The following SNX29 variants were observed in gnomAD, a reference collection of about 807,000 sequenced individuals.
SNX29 encodes the protein sorting nexin 29, also known as sorting nexin-29.
Under a neutral mutation model 102.1 loss-of-function variants are expected in SNX29, and 78 were observed. That is an observed-to-expected ratio of 0.76 (90% CI 0.64 to 0.92). SNX29 has a LOEUF of 0.92. SNX29 is among the 40% of genes least tolerant of loss of function. SNX29 has a pLI of 0.00. For synonymous variants in SNX29, 580 were observed against 414.5 expected, an observed-to-expected ratio of 1.40 and a Z score of -4.85; for missense variants, 1,280 against 1,061.7, an observed-to-expected ratio of 1.21 and a Z score of -2.86.
intron 14 of SNX29, among the ~76,000 whole-genome samples, chr16:12,268,433 T>C (rs1313558689): frequency 2.0e-5 from 3 of 152,226 alleles, no homozygotes; most frequent in Non-Finnish European, 4.4e-5. Context: ...ATCGCAGAGC[T>C]CCGGGGTCTT....
chr16:12,027,341 G>T lies in SNX29; in HGVS notation c.144G>T (p.Gln48His). Residue 48 changes from glutamine to histidine, a missense_variant, in exon 4 of 21, where the codon CAG (glutamine) becomes CAT (histidine). Coordinates refer to ENST00000566228, the MANE Select transcript of SNX29 (RefSeq NM_032167.5). The stretch of plus-strand genomic sequence containing the variant: ...ACAGGGTCACCTGTCTGTGTGCCCA[G>T]TTTGAAGCCGTCCTGCAGCATGGCT... ...SDSRVTCLCA[Q>H]FEAVLQHGLK... The T allele has an allele frequency of 6.2e-7, 1 of 1,614,026 alleles. No homozygotes were observed. The highest frequency in any genetic ancestry group is 2.2e-5 in the East Asian group (1 of 44,884).
intron 5 of SNX29, among the ~76,000 whole-genome samples, chr16:12,044,771 G>A (rs1354234518): frequency 6.6e-6 from 1 of 152,048 alleles, no homozygotes; most frequent in Non-Finnish European, 1.5e-5. Flanking sequence ...GTAGAGACGG[G>A]GCTTCACTGT....
chr16:12,465,836 GTGT>G (rs2087024889), intron 18 of SNX29, among the ~76,000 whole-genome samples: 1 of 133,886 alleles, frequency 7.5e-6, no homozygotes, highest in South Asian at 2.3e-4. Flanking sequence ...CCATTTGTTT[GTGT>G]TTTTTTTTTT....
At chr16:12,329,980 C>G (rs908599626) in intron 15 of SNX29, among the ~76,000 whole-genome samples, 1 of 152,160 alleles carries the variant, frequency 6.6e-6, no homozygotes, top group Non-Finnish European at 1.5e-5. Context: ...TGGGCTGTTG[C>G]GTCTGAGACA....
rs554008872 is a variant in SNX29, at chr16:12,189,136, CCT to C, written c.1596-10464_1596-10463del. On this transcript the variant is annotated intron_variant, in intron 13 of 20. Coordinates refer to ENST00000566228, the MANE Select transcript of SNX29 (RefSeq NM_032167.5). ...GCTTTTTACTTTTTAATTTTTCACC[CCT>C]GAGTCTGTTAATGTGTTTCCTACAA... is the stretch of plus-strand genomic sequence containing the variant. 1.8e-4 allele frequency among the ~76,000 whole-genome samples: 27 copies of C among 152,262 alleles called. No homozygotes were observed. The South Asian group carries it at 2.3e-3, about 13-fold the overall frequency.
At chr16:12,470,579 C>G (rs1307888118) in intron 18 of SNX29, among the ~76,000 whole-genome samples, 2 of 152,112 alleles carry the variant, frequency 1.3e-5, no homozygotes, top group Non-Finnish European at 2.9e-5. Context: ...TTTGTTTTAG[C>G]ACTCAGAAAC....
At chr16:12,380,194 C>G (rs1163943244) in intron 16 of SNX29, among the ~76,000 whole-genome samples, 2 of 135,142 alleles carry the variant, frequency 1.5e-5, no homozygotes, top group African/African-American at 3.8e-5. Flanking sequence ...GGTCTCGGTT[C>G]CAGGGGTTCA....
At chr16:12,262,618 C>T (rs1228992484) in intron 14 of SNX29, among the ~76,000 whole-genome samples, 1 of 152,182 alleles carries the variant, frequency 6.6e-6, no homozygotes, top group African/African-American at 2.4e-5. Flanking sequence ...AGCAACACGG[C>T]AAGCTGTGCC....
In SNX29 at chr16:12,441,089, C is replaced by CT. The variant is rs34125065; in HGVS notation, c.2038-36610dup. On this transcript the variant is annotated intron_variant, in intron 18 of 20. Transcript: ENST00000566228. ...TGTAGCATGCATCGCTACTTCATTC[C>CT]TTTTTTTTTTTTTTTTTTTTGTGAT... Among the ~76,000 whole-genome samples, 308 of 102,678 alleles carry CT rather than the reference C, an allele frequency of 3.0e-3. 1 individual carries two copies. Among genetic ancestry groups the CT allele is most frequent in the Non-Finnish European group, 4.4e-3 (237 of 54,020 alleles). 67.4% of individuals were successfully genotyped at this position (102,678 alleles called of 152,430 possible).
chr16:12,025,331 G>T (rs1376635599), intron 3 of SNX29, among the ~76,000 whole-genome samples: 1 of 144,594 alleles, frequency 6.9e-6, no homozygotes, highest in Non-Finnish European at 1.5e-5. Flanking sequence ...AAAAGTGCCT[G>T]TGTGTACAGA....
Position 12,048,370 on chromosome 16 carries a change from AG to A in SNX29, c.500del. 1 of 1,613,756 alleles carries A rather than the reference AG, an allele frequency of 6.2e-7. No individual in the cohort carries two copies. Among genetic ancestry groups the A allele is most frequent in the Non-Finnish European group, 8.5e-7 (1 of 1,179,784 alleles). The stretch of plus-strand genomic sequence containing the variant: ...TCCAGACTTTTCCCTTTTTTTGGGC[AG>A]GTCTGAACTCCATACTCTTTGCGAT... On this transcript the variant is annotated splice_acceptor_variant, in intron 6 of 20. Coordinates refer to ENST00000566228, the MANE Select transcript of SNX29 (RefSeq NM_032167.5). LOFTEE classifies it high-confidence loss of function.
chr16:12,298,996 TAAA>T (rs371181294), intron 15 of SNX29, among the ~76,000 whole-genome samples: 2 of 139,908 alleles, frequency 1.4e-5, no homozygotes, highest in Non-Finnish European at 1.6e-5. Context: ...AATGAGTCTT[TAAA>T]AAAAAAAAAA....
In SNX29 at chr16:12,096,595, G is replaced by C. The variant is rs2052777060; in HGVS notation, c.1402+17680G>C. Reference sequence around the variant, plus strand: ...CCTGCCCACAGAGCATTCTAGTGGAGTTTTATGGTAATAAAGAAATGATGA... The same window carrying C: ...CCTGCCCACAGAGCATTCTAGTGGACTTTTATGGTAATAAAGAAATGATGA... On this transcript the variant is annotated intron_variant, in intron 11 of 20. Transcript: ENST00000566228. This position sits in a 1 kb window ranked among gnomAD's most constrained non-coding sequence, Gnocchi z 4.2. Among the ~76,000 whole-genome samples the C allele has an allele frequency of 6.6e-6, 1 of 152,214 alleles. No individual in the cohort carries two copies. Among genetic ancestry groups the C allele is most frequent in the Non-Finnish European group, 1.5e-5 (1 of 68,044 alleles).
intron 15 of SNX29, among the ~76,000 whole-genome samples, chr16:12,279,668 G>A (rs575501432): frequency 3.3e-5 from 5 of 152,286 alleles, no homozygotes; most frequent in South Asian, 2.1e-4. Context: ...GTCAGGATTC[G>A]AACCCCTGAA....
intron 13 of SNX29, among the ~76,000 whole-genome samples, chr16:12,172,413 C>T (rs1269008793): frequency 6.6e-6 from 1 of 152,076 alleles, no homozygotes; most frequent in African/African-American, 2.4e-5. Context: ...TCCCCCAGGG[C>T]CAGGAAGAGA....
chr16:12,385,035 C>T (rs535645432), intron 16 of SNX29, among the ~76,000 whole-genome samples: 17 of 152,150 alleles, frequency 1.1e-4, no homozygotes, highest in Admixed American at 7.2e-4. Context: ...CTGGGCATGG[C>T]GGCGCACGCC....
At chr16:12,075,062 T>A (rs1298375921) in intron 10 of SNX29, among the ~76,000 whole-genome samples, 1 of 152,192 alleles carries the variant, frequency 6.6e-6, no homozygotes, top group Non-Finnish European at 1.5e-5. Flanking sequence ...AGTTATACAT[T>A]CGTCTAAATT....
At chr16:12,524,875 C>T in intron 20 of SNX29, 34 bp downstream of exon 20, 1 of 1,598,140 alleles carries the variant, frequency 6.3e-7, no homozygotes, top group Non-Finnish European at 8.5e-7. Flanking sequence ...GGGCCGCCAG[C>T]CCTGCCAGCA....
At chr16:12,443,624 T>A in intron 18 of SNX29, among the ~76,000 whole-genome samples, 1 of 152,222 alleles carries the variant, frequency 6.6e-6, no homozygotes, top group Non-Finnish European at 1.5e-5. Flanking sequence ...CTAACTTTTG[T>A]GTTTTCATTA....
Sources: allele counts gnomAD v4.1 joint callset (sites outside exome capture counted in the v4.1 genomes callset), GRCh38; gene constraint gnomAD v4.1.1; non-coding constraint Gnocchi (gnomAD v3.1); transcripts MANE v1.5; gene names NCBI Gene and HGNC (gene_info 2026-07-23, HGNC 2026-07-21).